RIMS2: variants seen among roughly 807,000 people sequenced by gnomAD.
RIMS2 encodes the protein regulating synaptic membrane exocytosis 2.
In RIMS2, 59 loss-of-function variants were observed where a neutral mutation model predicts 174.4. The ratio of observed to expected loss-of-function variants is 0.34; its 90% CI spans 0.27 to 0.42. RIMS2 has a LOEUF of 0.42. RIMS2 is among the 10% of genes least tolerant of loss of function. The pLI is 1.00. For missense variants in RIMS2, 1,620 were observed against 1,666.3 expected (o/e 0.97, Z 0.48); for synonymous variants, 606 against 572.5 (o/e 1.06, Z -0.84).
intron 1 of RIMS2, among the ~76,000 whole-genome samples, chr8:103,613,177 G>T (rs977670924): frequency 6.6e-6 from 1 of 152,188 alleles, no homozygotes; most frequent in African/African-American, 2.4e-5. Context: ...CTTTCTTGGA[G>T]CTAGGATTTG....
At chr8:103,914,839 AGTATACATATGACTCCACAGCAG>A (rs1237794393) in intron 6 of RIMS2, among the ~76,000 whole-genome samples, 11 of 152,158 alleles carry the variant, frequency 7.2e-5, no homozygotes, top group African/African-American at 2.2e-4. Context: ...AAGGTATACA[AGTATACATATGACTCCACAGCAG>A]GTATACATAT....
At position 103,731,260 on chromosome 8, in the gene RIMS2, C is replaced by T. The variant is rs1029176367; in HGVS notation, c.387+33964C>T. The stretch of plus-strand genomic sequence containing the variant: ...GATAAAAGGTTTTTTTTCTTTCCCA[C>T]TTGAAAGATGTCATGCCACTGTTTC... On this transcript the variant is annotated intron_variant, in intron 2 of 23. Coordinates refer to ENST00000504942, the Ensembl canonical transcript of RIMS2. Among the ~76,000 whole-genome samples, 11 of 152,242 alleles carry T rather than the reference C, an allele frequency of 7.2e-5. No homozygotes were observed. The South Asian group carries it at 2.3e-3, about 32-fold the overall frequency.
At chr8:104,143,077 G>A (rs2098599087) in intron 19 of RIMS2, among the ~76,000 whole-genome samples, 1 of 152,088 alleles carries the variant, frequency 6.6e-6, no homozygotes, top group Non-Finnish European at 1.5e-5. Context: ...CCAAAACCAA[G>A]TTCTTATGCA....
chr8:104,013,312 GA>G, intron 17 of RIMS2, 129 bp from the exon 20 acceptor site: 1 of 749,518 alleles, frequency 1.3e-6, no homozygotes, highest in Non-Finnish European at 2.0e-6. Flanking sequence ...ATATGTTGGG[GA>G]AAAGAAAAAT....
At chr8:104,033,087 CTA>C (rs761320336) in intron 19 of RIMS2, among the ~76,000 whole-genome samples, 3 of 151,780 alleles carry the variant, frequency 2.0e-5, no homozygotes, top group Non-Finnish European at 4.4e-5. Context: ...TAATATTAAT[CTA>C]TGAATTATTT....
chr8:103,550,558 G>A (rs1360020780), intron 1 of RIMS2, among the ~76,000 whole-genome samples: 1 of 151,974 alleles, frequency 6.6e-6, no homozygotes, highest in Non-Finnish European at 1.5e-5. Flanking sequence ...AGAGAAGCAA[G>A]ACCAAACACA....
intron 19 of RIMS2, among the ~76,000 whole-genome samples, chr8:104,023,488 C>T (rs1175914717): frequency 6.6e-6 from 1 of 152,004 alleles, no homozygotes; most frequent in South Asian, 2.1e-4. Context: ...AATTTCCTAA[C>T]AAGGTAAAAG....
chr8:103,514,667 TG>T (rs1211566178), intron 1 of RIMS2, among the ~76,000 whole-genome samples: 2 of 152,180 alleles, frequency 1.3e-5, no homozygotes, highest in African/African-American at 2.4e-5. Flanking sequence ...ATTCCAAGGT[TG>T]TTTAATGATT....
chr8:104,112,755 C>G (rs1217399306), intron 19 of RIMS2, among the ~76,000 whole-genome samples: 1 of 152,164 alleles, frequency 6.6e-6, no homozygotes, highest in Non-Finnish European at 1.5e-5. Flanking sequence ...CTGTTGTGAG[C>G]ACTGCTGTAT....
At chr8:103,771,856 C>A (rs981648907) in intron 3 of RIMS2, among the ~76,000 whole-genome samples, 1 of 152,046 alleles carries the variant, frequency 6.6e-6, no homozygotes, top group African/African-American at 2.4e-5. Flanking sequence ...ATTCATTCAA[C>A]AGATATTTAT....
chr8:103,598,545 GATT>G (rs2094563843), intron 1 of RIMS2, among the ~76,000 whole-genome samples: 2 of 152,188 alleles, frequency 1.3e-5, no homozygotes, highest in African/African-American at 4.8e-5. Context: ...AAATTGGGCA[GATT>G]CAAGTGGCAG....
At chr8:103,781,927 T>C (rs988793513) in intron 3 of RIMS2, among the ~76,000 whole-genome samples, 1 of 151,924 alleles carries the variant, frequency 6.6e-6, no homozygotes, top group African/African-American at 2.4e-5. Context: ...TTTGTATTTT[T>C]ATTAGAGACG....
At chr8:104,121,475 TA>T (rs1475008719) in intron 19 of RIMS2, among the ~76,000 whole-genome samples, 1 of 152,210 alleles carries the variant, frequency 6.6e-6, no homozygotes, top group African/African-American at 2.4e-5. Context: ...CTGTTACTAT[TA>T]ATCTAAATAT....
At chr8:103,559,570 C>A (rs969342725) in intron 1 of RIMS2, among the ~76,000 whole-genome samples, 1 of 152,130 alleles carries the variant, frequency 6.6e-6, no homozygotes, top group Non-Finnish European at 1.5e-5. Context: ...AGTATCTTTT[C>A]TTTAGAATGT....
chr8:103,875,927 C>T (rs2099134236), intron 3 of RIMS2, among the ~76,000 whole-genome samples: 1 of 151,876 alleles, frequency 6.6e-6, no homozygotes, highest in East Asian at 1.9e-4. Context: ...AATGTTTGTT[C>T]ATGTTGTTTG....
chr8:104,114,892 C>G (rs2098255260), intron 19 of RIMS2, among the ~76,000 whole-genome samples: 2 of 151,900 alleles, frequency 1.3e-5, no homozygotes, highest in Non-Finnish European at 1.5e-5. Context: ...AATAACTTTT[C>G]AAGCTTACAT....
chr8:103,546,080 AG>A (rs201416869), intron 1 of RIMS2, among the ~76,000 whole-genome samples: 2,057 of 152,276 alleles, frequency 0.014, 23 homozygotes, highest in Non-Finnish European at 0.019. Context: ...TAAAAGGCAC[AG>A]GGGGGCAAGC....
At chr8:103,883,694 G>GT (rs1390598623) in intron 3 of RIMS2, among the ~76,000 whole-genome samples, 5 of 151,776 alleles carry the variant, frequency 3.3e-5, no homozygotes, top group Non-Finnish European at 7.4e-5. Context: ...CCAGGTTAGA[G>GT]TTTATCCTGG....
intron 16 of RIMS2, 112 bp from the exon 19 acceptor site, chr8:103,989,193 T>G: frequency 1.5e-6 from 1 of 663,270 alleles, no homozygotes; most frequent in Non-Finnish European, 2.7e-6. Flanking sequence ...AAACAAAATT[T>G]GGACTTCACC....
Sources: allele counts gnomAD v4.1 joint callset (sites outside exome capture counted in the v4.1 genomes callset), GRCh38; gene constraint gnomAD v4.1.1; transcripts MANE v1.5; gene names NCBI Gene and HGNC (gene_info 2026-07-23, HGNC 2026-07-21).